The following IL3RA variants were observed in gnomAD, a reference collection of about 807,000 sequenced individuals.
IL3RA encodes the protein interleukin-3 receptor subunit alpha.
In IL3RA, 73 loss-of-function variants were observed where a neutral mutation model predicts 52.3. That is an observed-to-expected ratio of 1.40 (90% CI 1.16 to 1.70). The LOEUF (loss-of-function observed/expected upper bound fraction) is 1.70. Ranked by LOEUF, IL3RA falls within the 40% of genes most tolerant of loss-of-function variation. The pLI is 0.00. For missense variants in IL3RA, 664 were observed against 504.4 expected, an observed-to-expected ratio of 1.32 and a Z score of -3.03; for synonymous variants, 260 against 194.0, an observed-to-expected ratio of 1.34 and a Z score of -2.83.
At chrX:1,345,188 A>C in intron 2 of IL3RA, 128 bp from the exon 3 acceptor site, 2 of 593,898 alleles carry the variant, frequency 3.4e-6, no homozygotes, top group East Asian at 5.4e-5. Flanking sequence ...AAAAAAATTA[A>C]ATAAAAGAAC....
rs1392108802 is a variant in IL3RA, at chrX:1,377,104, A to C, written c.875-1555A>C. ...ACACCAAGGGACAACCCTGTGGGAC[A>C]CGGAGAAGACGGGGTCTCCAAGCCC... On this transcript the variant is annotated intron_variant, in intron 9 of 11. Coordinates refer to ENST00000331035, the MANE Select transcript of IL3RA (RefSeq NM_002183.4). Among the ~76,000 whole-genome samples the C allele has an allele frequency of 4.7e-4, 56 of 118,618 alleles. 1 individual carries two copies. Among genetic ancestry groups the C allele is most frequent in the African/African-American group, 2.0e-3 (54 of 26,946 alleles). The allele number at this position is 118,618 out of a possible 152,430, so 77.8% of individuals were successfully genotyped here.
intron 1 of IL3RA, among the ~76,000 whole-genome samples, chrX:1,338,627 CAA>C (rs1344199256): frequency 1.4e-4 from 22 of 152,290 alleles, no homozygotes; most frequent in Non-Finnish European, 2.8e-4. Flanking sequence ...AGGCCAGATA[CAA>C]AAAGATACAT....
At chrX:1,381,466 G>A (rs191637625) in intron 11 of IL3RA, among the ~76,000 whole-genome samples, 39 of 152,086 alleles carry the variant, frequency 2.6e-4, no homozygotes, top group East Asian at 7.7e-4. Context: ...TGAAGGGAGT[G>A]GGGGGACACT....
At chrX:1,344,972 C>T (rs1337569073) in intron 2 of IL3RA, among the ~76,000 whole-genome samples, 1 of 146,818 alleles carries the variant, frequency 6.8e-6, no homozygotes, top group Non-Finnish European at 1.5e-5. Flanking sequence ...ACCATCCTGG[C>T]TAACACGGTG....
intron 10 of IL3RA, among the ~76,000 whole-genome samples, chrX:1,380,336 T>C (rs531074483): frequency 2.8e-5 from 4 of 141,250 alleles, no homozygotes; most frequent in African/African-American, 5.3e-5. Context: ...CCAGGCCCTG[T>C]TTCCTTCCTG....
At chrX:1,363,304 T>G (rs1452305357) in intron 8 of IL3RA, among the ~76,000 whole-genome samples, 1 of 133,764 alleles carries the variant, frequency 7.5e-6, no homozygotes, top group African/African-American at 2.8e-5. Flanking sequence ...CTTTTCTTCT[T>G]TTTTTTTTTT....
At chrX:1,355,755 CAG>C (rs1386635945) in intron 6 of IL3RA, among the ~76,000 whole-genome samples, 1 of 151,606 alleles carries the variant, frequency 6.6e-6, no homozygotes, top group African/African-American at 2.4e-5. Flanking sequence ...TTGAATGATG[CAG>C]AGAGGGCCTC....
intron 7 of IL3RA, among the ~76,000 whole-genome samples, chrX:1,357,857 C>G (rs1211850652): frequency 2.0e-5 from 3 of 149,186 alleles, no homozygotes; most frequent in Non-Finnish European, 3.0e-5. Flanking sequence ...AATCCCAGCA[C>G]TTTGGGAGGC....
chrX:1,343,470 G>A (rs1462586074), intron 2 of IL3RA, among the ~76,000 whole-genome samples: 1 of 151,182 alleles, frequency 6.6e-6, no homozygotes, highest in Non-Finnish European at 1.5e-5. Flanking sequence ...TTCAAAACCA[G>A]CTTGGCCATC....
At chrX:1,347,261 C>T (rs1286960187) in intron 3 of IL3RA, among the ~76,000 whole-genome samples, 28 of 147,904 alleles carry the variant, frequency 1.9e-4, no homozygotes, top group African/African-American at 5.1e-4. Context: ...CTGGCTAACA[C>T]GGTGAAACCC....
intron 3 of IL3RA, 77 bp downstream of exon 3, chrX:1,345,511 A>T (rs2085703228): frequency 9.5e-7 from 1 of 1,048,234 alleles, no homozygotes; most frequent in South Asian, 2.4e-5. Context: ...ATTTTTTGAG[A>T]CGGAGTCTTG....
intron 9 of IL3RA, among the ~76,000 whole-genome samples, chrX:1,368,581 G>C: frequency 6.6e-6 from 1 of 152,146 alleles, no homozygotes; most frequent in African/African-American, 2.4e-5. Context: ...GTTTGGAGTT[G>C]GGGTGTTTAA....
intron 9 of IL3RA, among the ~76,000 whole-genome samples, chrX:1,378,326 C>T (rs1386839559): frequency 5.3e-5 from 8 of 152,322 alleles, no homozygotes; most frequent in African/African-American, 7.2e-5. Context: ...AAGCACCTGC[C>T]GGCCTGCTGG....
chrX:1,363,217 G>C (rs1324916044), intron 8 of IL3RA, among the ~76,000 whole-genome samples: 4 of 152,090 alleles, frequency 2.6e-5, no homozygotes, highest in Non-Finnish European at 4.4e-5. Context: ...AGGTGCTGGG[G>C]GCTAAGACTG....
intron 2 of IL3RA, among the ~76,000 whole-genome samples, chrX:1,343,837 C>A: frequency 6.8e-6 from 1 of 147,638 alleles, no homozygotes; most frequent in Middle Eastern, 3.4e-3. Context: ...GCTCTGTTAC[C>A]CAGGCTGGAG....
At chrX:1,350,301 A>T (rs1298205832) in intron 4 of IL3RA, among the ~76,000 whole-genome samples, 1 of 147,862 alleles carries the variant, frequency 6.8e-6, no homozygotes. Flanking sequence ...CTAAAAACAC[A>T]AAAATTAGCC....
At chrX:1,354,066 C>G (rs1325548687) in intron 6 of IL3RA, among the ~76,000 whole-genome samples, 1 of 149,388 alleles carries the variant, frequency 6.7e-6, no homozygotes, top group African/African-American at 2.5e-5. Context: ...CACCATGGGT[C>G]ATGGGAGCCC....
rs200082252 is a variant in IL3RA, at chrX:1,365,204, G to A, written c.826G>A (p.Glu276Lys). Reference protein sequence around the residue: ...GTYTVQIRARERVYEFLSAWS... With the variant: ...GTYTVQIRARKRVYEFLSAWS... ...GTACACAGTACAAATAAGAGCCCGG[G>A]AAAGAGTGTATGAATTCTTGAGCGC... Residue 276 changes from glutamate (E) to lysine (K), a missense_variant, in exon 9 of 12, where the codon GAA becomes AAA. By Grantham distance (56) the Glu-to-Lys change is moderately conservative (BLOSUM62 1). Coordinates refer to ENST00000331035, the MANE Select transcript of IL3RA (RefSeq NM_002183.4). The A allele has an allele frequency of 8.8e-5, 142 of 1,611,172 alleles. No homozygotes were observed. The highest frequency in any genetic ancestry group is 5.3e-5 in the Non-Finnish European group (62 of 1,178,878).
intron 3 of IL3RA, among the ~76,000 whole-genome samples, chrX:1,348,224 G>A (rs756047513): frequency 2.7e-5 from 4 of 150,202 alleles, no homozygotes; most frequent in South Asian, 4.2e-4. Context: ...GTGGTGGCGG[G>A]CACCTGTAAT....
Sources: gnomAD v4.1 joint callset for allele counts (sites outside exome capture counted in the v4.1 genomes callset) on GRCh38, gnomAD v4.1.1 for gene constraint, MANE v1.5 for transcripts, NCBI Gene and HGNC (gene_info 2026-07-23, HGNC 2026-07-21) for gene names.